The following PIK3CD variants were observed in gnomAD, a reference collection of about 807,000 sequenced individuals.
The protein encoded by PIK3CD is phosphatidylinositol 4,5-bisphosphate 3-kinase catalytic subunit delta isoform.
PIK3CD carries 20 observed loss-of-function variants against 122.9 expected under a neutral mutation model. That is an observed-to-expected ratio of 0.16 (90% CI 0.11 to 0.24). The LOEUF is 0.24. Ranked by LOEUF, PIK3CD falls within the 10% of genes least tolerant of loss-of-function variation. The pLI, the probability that PIK3CD is intolerant of heterozygous loss-of-function variation, is 1.00. For synonymous variants in PIK3CD, 596 were observed against 593.4 expected, an observed-to-expected ratio of 1.00 and a Z score of -0.06; for missense variants, 787 against 1,406.3, an observed-to-expected ratio of 0.56 and a Z score of 7.04.
chr1:9,710,072 A>G lies in PIK3CD; in HGVS notation c.-32-352A>G. 1 of 335,240 alleles carries G rather than the reference A, an allele frequency of 3.0e-6. No individual in the cohort carries two copies. The highest frequency in any genetic ancestry group is 2.6e-5 in the South Asian group (1 of 38,904). The allele number at this position is 335,240 out of a possible 1,614,324, so 20.8% of individuals were successfully genotyped here. A position where few individuals can be genotyped will look rare whatever the true frequency, so the allele number is the denominator to read the frequency against. On this transcript the variant is annotated intron_variant, in intron 2 of 23. Transcript: ENST00000377346. This position sits in a 1 kb window ranked among gnomAD's most constrained non-coding sequence, Gnocchi z 4.7. ...GGCCTCTCAGGTCTCAGGGCACCTGACCAGCTGTCCTGCCATCTCCCTTCT... is the reference window on the plus strand; with the variant it reads ...GGCCTCTCAGGTCTCAGGGCACCTGGCCAGCTGTCCTGCCATCTCCCTTCT...
chr1:9,669,319 C>T (rs535683912), intron 1 of PIK3CD, among the ~76,000 whole-genome samples: 9 of 152,174 alleles, frequency 5.9e-5, no homozygotes, highest in African/African-American at 7.2e-5. Flanking sequence ...CCACCACACC[C>T]GGGTAATTTT....
rs756182548 is a variant in PIK3CD, at chr1:9,716,846, C to T, written c.781-113C>T. 21 of 1,469,868 alleles carry T rather than the reference C, an allele frequency of 1.4e-5. No individual in the cohort carries two copies. The Admixed American group carries it at 3.4e-4, about 24-fold the overall frequency. 91.1% of individuals were successfully genotyped at this position (1,469,868 alleles called of 1,614,324 possible). A position where few individuals can be genotyped will look rare whatever the true frequency, so the allele number is the denominator to read the frequency against. ...GGAAAAACCAGCAGGAAGCCCTCCC[C>T]TCTCCCAAGGCCTAGGACAGGCAGT... On this transcript the variant is annotated intron_variant, in intron 6 of 23. Transcript: ENST00000377346.
At chr1:9,687,897 CTCTCT>C (rs933289938) in intron 1 of PIK3CD, among the ~76,000 whole-genome samples, 1 of 152,104 alleles carries the variant, frequency 6.6e-6, no homozygotes, top group Non-Finnish European at 1.5e-5. Context: ...CCTGGACTCC[CTCTCT>C]TCTCTCTCCT....
rs1644704960 is a variant in PIK3CD, at chr1:9,652,436, C to A, written c.-138+634C>A. On this transcript the variant is annotated intron_variant, in intron 1 of 23. Coordinates refer to ENST00000377346, the MANE Select transcript of PIK3CD (RefSeq NM_005026.5). The surrounding 1 kb of genome is among the most constrained non-coding windows in gnomAD (Gnocchi z 6.2). ...GGCTTCCTCCCGGCTCGTGGACCCG[C>A]GCCCCGCCTCCCAGTCCCGGGCCTC... 6.6e-6 allele frequency among the ~76,000 whole-genome samples: 1 copy of A among 152,196 alleles called. No individual in the cohort carries two copies. The highest frequency in any genetic ancestry group is 6.5e-5 in the Admixed American group (1 of 15,284).
At chr1:9,682,365 A>T (rs1645788432) in intron 1 of PIK3CD, among the ~76,000 whole-genome samples, 1 of 151,696 alleles carries the variant, frequency 6.6e-6, no homozygotes, top group Non-Finnish European at 1.5e-5. Flanking sequence ...CAGCCTCCTG[A>T]GTAGCTGGGA....
intron 1 of PIK3CD, among the ~76,000 whole-genome samples, chr1:9,669,341 G>C (rs1474208711): frequency 6.6e-6 from 1 of 151,994 alleles, no homozygotes; most frequent in Non-Finnish European, 1.5e-5. Context: ...GTAGCTTTTT[G>C]TAGAGATGGA....
In PIK3CD at chr1:9,724,658, G is replaced by C; in HGVS notation, c.2865-146G>C. The C allele has an allele frequency of 8.5e-7, 1 of 1,177,732 alleles. No homozygotes were observed. Among genetic ancestry groups the C allele is most frequent in the Non-Finnish European group, 1.3e-6 (1 of 789,608 alleles). 73.0% of individuals were successfully genotyped at this position (1,177,732 alleles called of 1,614,324 possible). ...GAGGCTGGCTGGGGCACGGGGGTCA[G>C]TTAGCAGAACTGGAGGCCTTGTGTC... On this transcript the variant is annotated intron_variant, in intron 22 of 23. Coordinates refer to ENST00000377346, the MANE Select transcript of PIK3CD (RefSeq NM_005026.5). The surrounding 1 kb of genome is among the most constrained non-coding windows in gnomAD (Gnocchi z 7.3).
intron 1 of PIK3CD, chr1:9,654,138 C>T: frequency 8.0e-7 from 1 of 1,247,304 alleles, no homozygotes; most frequent in South Asian, 1.2e-5. Flanking sequence ...CTTCTGAGCC[C>T]CACTTCCCCC....
chr1:9,675,046 GAGAAAGAA>G (rs145905057), intron 1 of PIK3CD, among the ~76,000 whole-genome samples: 13 of 143,162 alleles, frequency 9.1e-5, no homozygotes, highest in Non-Finnish European at 1.2e-4. Context: ...AAGAGAGAGA[GAGAAAGAA>G]AGAAAGAAAG....
At chr1:9,683,757 C>T (rs981112675) in intron 1 of PIK3CD, among the ~76,000 whole-genome samples, 4 of 152,120 alleles carry the variant, frequency 2.6e-5, no homozygotes, top group African/African-American at 9.7e-5. Context: ...CCAGGAATTC[C>T]GACAGAGCTC....
chr1:9,675,386 A>G (rs1456759052), intron 1 of PIK3CD, among the ~76,000 whole-genome samples: 3 of 90,108 alleles, frequency 3.3e-5, no homozygotes, highest in African/African-American at 2.7e-4. Context: ...ACTCCGTCTC[A>G]AAAAAAAAAA....
rs1342837406 is a variant in PIK3CD at position 9,689,059 on chromosome 1, C to T, written c.-137-2408C>T. Among the ~76,000 whole-genome samples, 1 of 152,230 alleles carries T rather than the reference C, an allele frequency of 6.6e-6. No individual in the cohort carries two copies. The highest frequency in any genetic ancestry group is 1.5e-5 in the Non-Finnish European group (1 of 68,038). ...ATTTGAGCCCAGAGCCCGGGCTGGC[C>T]AATTACTCGAGTGAGTCTGGCTCCG... is the stretch of plus-strand genomic sequence containing the variant. On this transcript the variant is annotated intron_variant, in intron 1 of 23. Coordinates refer to ENST00000377346, the MANE Select transcript of PIK3CD (RefSeq NM_005026.5). This position sits in a 1 kb window ranked among gnomAD's most constrained non-coding sequence, Gnocchi z 6.1.
chr1:9,676,750 G>C (rs1645553887), intron 1 of PIK3CD, among the ~76,000 whole-genome samples: 1 of 152,178 alleles, frequency 6.6e-6, no homozygotes, highest in African/African-American at 2.4e-5. Context: ...AAACTGAATG[G>C]CTGCCTTCGG....
rs1487655156 is a variant in PIK3CD at position 9,721,267 on chromosome 1, C to T, written c.1811+19C>T. On this transcript the variant is annotated intron_variant, in intron 14 of 23. Coordinates refer to ENST00000377346, the MANE Select transcript of PIK3CD (RefSeq NM_005026.5). ...AACTGACGTGAGTCCCAGCTGGGCG[C>T]TCCCCACTTCTCCAGAGGGCAGCTG... 2 of 1,613,060 alleles carry T rather than the reference C, an allele frequency of 1.2e-6. No individual in the cohort carries two copies. Among genetic ancestry groups the T allele is most frequent in the African/African-American group, 1.3e-5 (1 of 75,046 alleles).
intron 1 of PIK3CD, among the ~76,000 whole-genome samples, chr1:9,676,132 A>G (rs534777812): frequency 6.6e-4 from 100 of 152,166 alleles, no homozygotes; most frequent in African/African-American, 2.2e-3. Context: ...GGGTTTCACC[A>G]TGTTGGCCAG....
At chr1:9,697,082 A>AAAAAAAAT (rs1383686439) in intron 2 of PIK3CD, among the ~76,000 whole-genome samples, 1 of 151,698 alleles carries the variant, frequency 6.6e-6, no homozygotes, top group Non-Finnish European at 1.5e-5. Context: ...AAAAAAAAAA[A>AAAAAAAAT]AATTGTAGGC....
chr1:9,693,370 G>A (rs1646280195), intron 2 of PIK3CD, among the ~76,000 whole-genome samples: 1 of 151,366 alleles, frequency 6.6e-6, no homozygotes, highest in Non-Finnish European at 1.5e-5. Context: ...GACTACAGGT[G>A]TGCGCCACCA....
chr1:9,674,909 T>A (rs1265006809), intron 1 of PIK3CD, among the ~76,000 whole-genome samples: 1 of 150,364 alleles, frequency 6.7e-6, no homozygotes, highest in Non-Finnish European at 1.5e-5. Context: ...GATGCACACC[T>A]GTAGTCCCAG....
chr1:9,633,424 C>T, the PIK3CD span, among the ~76,000 whole-genome samples: 3 of 152,168 alleles, frequency 2.0e-5, no homozygotes, highest in South Asian at 4.1e-4. Flanking sequence ...TCTCCTGCCT[C>T]AGCCTCCCTA....
Sources: allele counts gnomAD v4.1 joint callset (sites outside exome capture counted in the v4.1 genomes callset), GRCh38; gene constraint gnomAD v4.1.1; non-coding constraint Gnocchi (gnomAD v3.1); transcripts MANE v1.5; gene names NCBI Gene and HGNC (gene_info 2026-07-23, HGNC 2026-07-21).